The following TSNARE1 variants were observed in gnomAD, a reference collection of about 807,000 sequenced individuals.
The protein encoded by TSNARE1 is t-SNARE domain-containing protein 1.
TSNARE1 carries 49 observed loss-of-function variants against 62.0 expected under a neutral mutation model. The ratio of observed to expected loss-of-function variants is 0.79; its 90% confidence interval spans 0.63 to 1.00. The LOEUF is 1.00. TSNARE1 is among the 50% of genes least tolerant of loss of function. The pLI is 0.00. For missense variants in TSNARE1, 755 were observed against 700.1 expected (o/e 1.08, Z -0.88); for synonymous variants, 328 against 294.4 (o/e 1.11, Z -1.17).
intron 12 of TSNARE1, among the ~76,000 whole-genome samples, chr8:142,267,815 G>A (rs927141044): frequency 2.0e-5 from 3 of 152,230 alleles, no homozygotes; most frequent in African/African-American, 4.8e-5. Context: ...AATGCAAGAA[G>A]CACAGTGTCC....
chr8:142,363,377 G>C (rs1026066909), intron 1 of TSNARE1, among the ~76,000 whole-genome samples: 2 of 152,130 alleles, frequency 1.3e-5, no homozygotes, highest in African/African-American at 4.8e-5. Context: ...TTTTCAGTGG[G>C]AACCAGGGGG....
At position 142,381,346 on chromosome 8, in the gene TSNARE1, C is replaced by T. The variant is rs144178302; in HGVS notation, c.-40+21758G>A. On this transcript the variant is annotated intron_variant, in intron 1 of 13. Transcript: ENST00000524325. ...TCCCAGGATGAATGGCTAAACCCCACGGCCGGGCAGCAGGTGTCCAGGGAA... is the reference window on the plus strand; with the variant it reads ...TCCCAGGATGAATGGCTAAACCCCATGGCCGGGCAGCAGGTGTCCAGGGAA... Among the ~76,000 whole-genome samples the T allele has an allele frequency of 1.5e-3, 235 of 152,354 alleles. 1 individual carries two copies. The highest frequency in any genetic ancestry group is 0.01 in the Middle Eastern group (3 of 294).
In TSNARE1 at chr8:142,270,899, C is replaced by A. The variant is rs1199509333; in HGVS notation, c.1446+3882G>T. 4.1e-6 allele frequency: 4 copies of A among 985,574 alleles called. No homozygotes were observed. In the African/African-American group the frequency reaches 5.2e-5, roughly 13 times the overall value. The allele number at this position is 985,574 out of a possible 1,614,324, so 61.1% of individuals were successfully genotyped here. A position where few individuals can be genotyped will look rare whatever the true frequency, so the allele number is the denominator to read the frequency against. On this transcript the variant is annotated intron_variant, in intron 12 of 13. Coordinates refer to ENST00000524325, the MANE Select transcript of TSNARE1 (RefSeq NM_145003.5). Reference sequence around the variant, plus strand: ...CCTGCAGGTCACCACCCTCTACAGGCAATGGCAAGGACGCGACATCACAGG... The same window carrying A: ...CCTGCAGGTCACCACCCTCTACAGGAAATGGCAAGGACGCGACATCACAGG...
At chr8:142,366,394 T>C (rs1160342629) in intron 1 of TSNARE1, among the ~76,000 whole-genome samples, 3 of 152,320 alleles carry the variant, frequency 2.0e-5, no homozygotes, top group Non-Finnish European at 4.4e-5. Flanking sequence ...ATGAATGTTA[T>C]AAATATTGAT....
intron 11 of TSNARE1, chr8:142,276,379 T>C (rs537677432): frequency 3.2e-4 from 315 of 985,324 alleles, no homozygotes; most frequent in Non-Finnish European, 3.6e-4. Context: ...CCCCCCACAA[T>C]TGCCACTCAG....
At chr8:142,275,471 C>T in intron 11 of TSNARE1, 6 of 985,380 alleles carry the variant, frequency 6.1e-6, no homozygotes, top group Non-Finnish European at 7.2e-6. Flanking sequence ...TCAGCAGGGC[C>T]CACGGGAGAC....
intron 1 of TSNARE1, among the ~76,000 whole-genome samples, chr8:142,389,486 A>G (rs1046838801): frequency 6.6e-6 from 1 of 152,226 alleles, no homozygotes; most frequent in Admixed American, 6.5e-5. Flanking sequence ...TCCTGCACAT[A>G]TATCACACTT....
chr8:142,340,232 G>C (rs553371358), intron 4 of TSNARE1, among the ~76,000 whole-genome samples: 1 of 152,344 alleles, frequency 6.6e-6, no homozygotes, highest in African/African-American at 2.4e-5. Flanking sequence ...GAGGCTTGCC[G>C]GGGCCTCCTG....
At chr8:142,263,887 T>C (rs1819010322) in intron 12 of TSNARE1, among the ~76,000 whole-genome samples, 2 of 152,246 alleles carry the variant, frequency 1.3e-5, no homozygotes, top group Admixed American at 1.3e-4. Flanking sequence ...GCTTTGGACT[T>C]TGTAGCGCCT....
Position 142,264,001 on chromosome 8 carries a change from A to T in TSNARE1, c.1446+10780T>A, listed in dbSNP as rs116531951. ...GGTTCATTCTGTTGTTCCTTTACTT[A>T]AAAAAAGTCTTTTTAATGTCTATTT... On this transcript the variant is annotated intron_variant, in intron 12 of 13. Coordinates refer to ENST00000524325, the MANE Select transcript of TSNARE1 (RefSeq NM_145003.5). Among the ~76,000 whole-genome samples the T allele has an allele frequency of 2.1e-3, 319 of 152,194 alleles. 2 individuals are homozygous for T. Among genetic ancestry groups the T allele is most frequent in the African/African-American group, 7.4e-3 (306 of 41,552 alleles).
At chr8:142,268,289 G>A (rs1457748825) in intron 12 of TSNARE1, among the ~76,000 whole-genome samples, 2 of 152,258 alleles carry the variant, frequency 1.3e-5, no homozygotes, top group Non-Finnish European at 2.9e-5. Context: ...CGTGTGCACT[G>A]TGGAGACACA....
At chr8:142,379,919 T>G (rs950727121) in intron 1 of TSNARE1, among the ~76,000 whole-genome samples, 3 of 152,154 alleles carry the variant, frequency 2.0e-5, no homozygotes, top group Non-Finnish European at 4.4e-5. Context: ...AAAGGAAGCA[T>G]CTAATCCCCC....
At chr8:142,261,587 A>T (rs1818890930) in intron 12 of TSNARE1, among the ~76,000 whole-genome samples, 1 of 151,920 alleles carries the variant, frequency 6.6e-6, no homozygotes, top group Non-Finnish European at 1.5e-5. Context: ...GACCCATGTG[A>T]GCCCCAGGAT....
intron 1 of TSNARE1, among the ~76,000 whole-genome samples, chr8:142,356,668 G>A (rs193246499): frequency 1.2e-4 from 18 of 152,282 alleles, no homozygotes; most frequent in South Asian, 4.1e-4. Flanking sequence ...CACTTGGCGC[G>A]TGACGACAAT....
At chr8:142,350,621 AAC>A (rs1295422117) in intron 2 of TSNARE1, among the ~76,000 whole-genome samples, 1 of 132,654 alleles carries the variant, frequency 7.5e-6, no homozygotes, top group African/African-American at 3.6e-5. Flanking sequence ...CAGGAAAAGA[AAC>A]ACATAATAGG....
intron 11 of TSNARE1, chr8:142,275,794 C>G (rs573453626): frequency 2.0e-6 from 2 of 983,312 alleles, no homozygotes; most frequent in African/African-American, 3.5e-5. Flanking sequence ...CCTCAGGGGT[C>G]TTAAGGCCTG....
chr8:142,372,761 G>A (rs1456979555), intron 1 of TSNARE1, among the ~76,000 whole-genome samples: 1 of 152,024 alleles, frequency 6.6e-6, no homozygotes, highest in Non-Finnish European at 1.5e-5. Context: ...TTCCTTCCCT[G>A]CTGTGCCTCT....
intron 1 of TSNARE1, among the ~76,000 whole-genome samples, chr8:142,368,264 CAAAA>C (rs201154790): frequency 6.6e-6 from 1 of 151,524 alleles, no homozygotes; most frequent in Non-Finnish European, 1.5e-5. Flanking sequence ...GGGAAACAAA[CAAAA>C]AAAACAGGCA....
intron 10 of TSNARE1, among the ~76,000 whole-genome samples, chr8:142,295,216 C>A (rs1233534077): frequency 6.6e-6 from 1 of 152,242 alleles, no homozygotes; most frequent in Non-Finnish European, 1.5e-5. Flanking sequence ...CCCGCTACGA[C>A]CCTCCTCTGG....
Sources: gnomAD v4.1 joint callset for allele counts (sites outside exome capture counted in the v4.1 genomes callset) on GRCh38, gnomAD v4.1.1 for gene constraint, MANE v1.5 for transcripts, NCBI Gene and HGNC (gene_info 2026-07-23, HGNC 2026-07-21) for gene names.